GBE1: variants seen among roughly 807,000 people sequenced by gnomAD.
The protein encoded by GBE1 is 1,4-alpha-glucan branching enzyme 1.
In GBE1, 70 loss-of-function variants were observed where a neutral mutation model predicts 88.8. The ratio of observed to expected loss-of-function variants is 0.79; its 90% CI spans 0.65 to 0.96. GBE1 has a LOEUF of 0.96. GBE1 is among the 40% of genes least tolerant of loss of function. The pLI, the probability that GBE1 is intolerant of heterozygous loss-of-function variation, is 0.00. For synonymous variants in GBE1, 284 were observed against 300.1 expected, an observed-to-expected ratio of 0.95 and a Z score of 0.56; for missense variants, 872 against 871.0, an observed-to-expected ratio of 1.00 and a Z score of -0.01.
At chr3:81,612,571 C>T (rs1704197540) in intron 7 of GBE1, 1 of 726,740 alleles carries the variant, frequency 1.4e-6, no homozygotes, top group Non-Finnish European at 2.4e-6. Context: ...ATGTTGTTAC[C>T]CCCAAATTTG....
At chr3:81,707,295 A>G (rs922705425) in intron 1 of GBE1, among the ~76,000 whole-genome samples, 5 of 152,190 alleles carry the variant, frequency 3.3e-5, no homozygotes, top group East Asian at 3.9e-4. Flanking sequence ...CTAAGAAGGA[A>G]AAGTAATCTA....
At chr3:81,539,315 C>T (rs1030903394) in intron 12 of GBE1, among the ~76,000 whole-genome samples, 1 of 151,898 alleles carries the variant, frequency 6.6e-6, no homozygotes, top group African/African-American at 2.4e-5. Context: ...ACAAATGCAT[C>T]AGAGTGAGAA....
At chr3:81,756,968 T>C (rs533931262) in intron 1 of GBE1, among the ~76,000 whole-genome samples, 9 of 152,342 alleles carry the variant, frequency 5.9e-5, no homozygotes, top group Admixed American at 1.3e-4. Flanking sequence ...AACCCACTCC[T>C]ACTAAGCTAA....
chr3:81,591,101 G>A lies in GBE1; in HGVS notation c.1172C>T (p.Thr391Ile), dbSNP rs1449691051. 6.2e-7 allele frequency: 1 copy of A among 1,609,288 alleles called. No homozygotes were observed. The highest frequency in any genetic ancestry group is 1.1e-5 in the South Asian group (1 of 90,172). The change falls in exon 9 of 16, where the codon ACT (threonine) becomes ATT (isoleucine). Residue 391 changes from threonine (T) to isoleucine (I), a missense_variant. Thr to Ile is a moderately conservative substitution (Grantham distance 89). Coordinates refer to ENST00000429644, the MANE Select transcript of GBE1 (RefSeq NM_000158.4). ...FGLQVDEDAL[T>I]YLMLANHLVH... ...CAAATGATTTGCCAACATGAGGTAA[G>A]TCAAGGCATCTTCATCTACTTGTAG...
chr3:81,513,451 T>C (rs1426485815), intron 14 of GBE1, among the ~76,000 whole-genome samples: 1 of 151,388 alleles, frequency 6.6e-6, no homozygotes, highest in Admixed American at 6.6e-5. Context: ...CAAAACACTA[T>C]GTGCTAGAGG....
chr3:81,535,207 G>T lies in GBE1; in HGVS notation c.1922C>A (p.Ala641Glu). The change falls in exon 14 of 16, where the codon GCA (alanine) becomes GAA (glutamate). Residue 641 changes from alanine to glutamate, a missense_variant. Coordinates refer to ENST00000429644, the MANE Select transcript of GBE1 (RefSeq NM_000158.4). ...ACAAAAAGGATATTTCCCTGGCAATGCTGTTCCAACTCGGTAGTCAGTGTA... is the reference window on the plus strand; with the variant it reads ...ACAAAAAGGATATTTCCCTGGCAATTCTGTTCCAACTCGGTAGTCAGTGTA... Reference protein sequence around the residue: ...KSYTDYRVGTALPGKFKIVLD... With the variant: ...KSYTDYRVGTELPGKFKIVLD... 1 of 1,609,876 alleles carries T rather than the reference G, an allele frequency of 6.2e-7. No homozygotes were observed. Among genetic ancestry groups the T allele is most frequent in the Non-Finnish European group, 8.5e-7 (1 of 1,178,056 alleles).
intron 15 of GBE1, 33 bp downstream of exon 15, chr3:81,499,077 A>T (rs1156708053): frequency 9.2e-7 from 1 of 1,090,466 alleles, no homozygotes; most frequent in South Asian, 1.4e-5. Flanking sequence ...AGTAAATTAA[A>T]ATAGCAGGAA....
intron 1 of GBE1, among the ~76,000 whole-genome samples, chr3:81,754,134 T>C (rs1317367048): frequency 2.0e-5 from 3 of 152,108 alleles, no homozygotes; most frequent in African/African-American, 7.2e-5. Context: ...AATCGAAATA[T>C]AAAAATCTGT....
chr3:81,593,085 G>A (rs906020798), intron 8 of GBE1, among the ~76,000 whole-genome samples: 1 of 151,812 alleles, frequency 6.6e-6, no homozygotes, highest in Non-Finnish European at 1.5e-5. Context: ...ATAATTGGCT[G>A]GGTGTGGTGG....
intron 11 of GBE1, among the ~76,000 whole-genome samples, 175 bp from the exon 12 acceptor site, chr3:81,578,271 G>GTA (rs942128700): frequency 6.6e-6 from 1 of 152,050 alleles, no homozygotes; most frequent in Non-Finnish European, 1.5e-5. Flanking sequence ...AGGCAAGCTG[G>GTA]TAAAATATGT....
chr3:81,491,725 A>T (rs904758329), intron 15 of GBE1, among the ~76,000 whole-genome samples: 1 of 145,336 alleles, frequency 6.9e-6, no homozygotes, highest in African/African-American at 2.5e-5. Context: ...CTGATGGTTT[A>T]AAAAAAAAAA....
intron 2 of GBE1, among the ~76,000 whole-genome samples, chr3:81,701,556 T>A (rs1705686589): frequency 6.6e-6 from 1 of 151,970 alleles, no homozygotes; most frequent in Non-Finnish European, 1.5e-5. Flanking sequence ...GTAGCACTGA[T>A]TAAGGTACAA....
intron 14 of GBE1, among the ~76,000 whole-genome samples, chr3:81,503,138 T>A (rs1259299958): frequency 6.6e-6 from 1 of 152,184 alleles, no homozygotes; most frequent in Admixed American, 6.5e-5. Flanking sequence ...TACTCCCCCA[T>A]TCATTTACTA....
At chr3:81,651,450 C>G (rs1181950664) in intron 3 of GBE1, among the ~76,000 whole-genome samples, 2 of 152,124 alleles carry the variant, frequency 1.3e-5, no homozygotes, top group African/African-American at 4.8e-5. Context: ...AATTATTTCT[C>G]CTTCATTATG....
At chr3:81,722,799 G>GT (rs1219160113) in intron 1 of GBE1, among the ~76,000 whole-genome samples, 5 of 150,786 alleles carry the variant, frequency 3.3e-5, no homozygotes, top group African/African-American at 1.2e-4. Flanking sequence ...TCTATATTCA[G>GT]TTTTCCCACC....
intron 3 of GBE1, among the ~76,000 whole-genome samples, chr3:81,656,627 CTT>C (rs1178776740): frequency 6.6e-6 from 1 of 152,086 alleles, no homozygotes; most frequent in African/African-American, 2.4e-5. Flanking sequence ...TGGAAATAAA[CTT>C]AGTTGAAATT....
chr3:81,750,659 GTATATA>G (rs1553696645), intron 1 of GBE1, among the ~76,000 whole-genome samples: 8 of 35,276 alleles, frequency 2.3e-4, no homozygotes, highest in African/African-American at 1.3e-3. Flanking sequence ...ATATATATAT[GTATATA>G]TATATATACG....
At chr3:81,553,609 T>C (rs1312853976) in intron 12 of GBE1, among the ~76,000 whole-genome samples, 2 of 149,036 alleles carry the variant, frequency 1.3e-5, no homozygotes, top group Non-Finnish European at 3.0e-5. Flanking sequence ...GAATACCCAG[T>C]TGAAGTATAG....
intron 1 of GBE1, among the ~76,000 whole-genome samples, chr3:81,718,928 C>T (rs1449534849): frequency 2.0e-5 from 3 of 152,104 alleles, no homozygotes. Context: ...AGCCACCGCG[C>T]CCTGCCCACC....
Sources: allele counts gnomAD v4.1 joint callset (sites outside exome capture counted in the v4.1 genomes callset), GRCh38; gene constraint gnomAD v4.1.1; transcripts MANE v1.5; gene names NCBI Gene and HGNC (gene_info 2026-07-23, HGNC 2026-07-21).